GRM5: variants seen among roughly 807,000 people sequenced by gnomAD.
GRM5 encodes the protein glutamate metabotropic receptor 5.
GRM5 carries 19 observed loss-of-function variants against 83.1 expected under a neutral mutation model. The observed-to-expected ratio is 0.23, with a 90% CI of 0.16 to 0.34. GRM5 has a LOEUF of 0.34. Ranked by LOEUF, GRM5 falls within the 10% of genes least tolerant of loss-of-function variation. The pLI, the probability that GRM5 is intolerant of heterozygous loss-of-function variation, is 1.00. For synonymous variants in GRM5, 675 were observed against 633.6 expected, an observed-to-expected ratio of 1.07 and a Z score of -0.98; for missense variants, 1,160 against 1,588.3, an observed-to-expected ratio of 0.73 and a Z score of 4.58.
intron 3 of GRM5, among the ~76,000 whole-genome samples, chr11:88,838,084 CAAAAA>C (rs1157680177): frequency 2.5e-4 from 14 of 55,452 alleles, no homozygotes; most frequent in Admixed American, 1.8e-3. Context: ...GACTCCATCT[CAAAAA>C]AAAAAAAAAA....
At chr11:88,618,323 A>T (rs2135252648) in intron 4 of GRM5, among the ~76,000 whole-genome samples, 1 of 152,322 alleles carries the variant, frequency 6.6e-6, no homozygotes, top group East Asian at 1.9e-4. Context: ...TGATGTAAAG[A>T]GCCCAGACAC....
chr11:88,869,610 C>T (rs1249425821), intron 2 of GRM5, among the ~76,000 whole-genome samples: 1 of 151,502 alleles, frequency 6.6e-6, no homozygotes, highest in Non-Finnish European at 1.5e-5. Flanking sequence ...CAACCCCCAA[C>T]CTCAGTTATT....
chr11:88,664,371 A>G (rs1273603337), intron 3 of GRM5, among the ~76,000 whole-genome samples: 1 of 152,102 alleles, frequency 6.6e-6, no homozygotes, highest in African/African-American at 2.4e-5. Context: ...CTGAACATGT[A>G]CAGACTTTTT....
At chr11:88,787,038 A>C (rs1015379946) in intron 3 of GRM5, among the ~76,000 whole-genome samples, 1 of 152,162 alleles carries the variant, frequency 6.6e-6, no homozygotes, top group Non-Finnish European at 1.5e-5. Flanking sequence ...ATACAAGTAA[A>C]TAAGTAAATA....
At chr11:88,952,214 G>T (rs1319941938) in intron 2 of GRM5, among the ~76,000 whole-genome samples, 2 of 152,044 alleles carry the variant, frequency 1.3e-5, no homozygotes, top group African/African-American at 4.8e-5. Context: ...CATTTCCTGG[G>T]ATACCCAGTC....
chr11:88,984,434 G>A (rs774097626), intron 2 of GRM5, among the ~76,000 whole-genome samples: 22 of 152,254 alleles, frequency 1.4e-4, no homozygotes, highest in African/African-American at 3.8e-4. Flanking sequence ...CAAGTGTAGC[G>A]TAGGCTATCC....
At chr11:88,694,169 C>G (rs1461898725) in intron 3 of GRM5, among the ~76,000 whole-genome samples, 7 of 152,188 alleles carry the variant, frequency 4.6e-5, no homozygotes, top group Non-Finnish European at 5.9e-5. Flanking sequence ...GCTGCATAAT[C>G]AGACACTTCC....
intron 2 of GRM5, among the ~76,000 whole-genome samples, chr11:89,000,009 G>A (rs1433254725): frequency 6.6e-6 from 1 of 152,072 alleles, no homozygotes; most frequent in African/African-American, 2.4e-5. Flanking sequence ...AACACTGCAT[G>A]TTCTCATTCA....
intron 3 of GRM5, among the ~76,000 whole-genome samples, chr11:88,731,878 T>A (rs557778049): frequency 6.6e-6 from 1 of 152,170 alleles, no homozygotes; most frequent in South Asian, 2.1e-4. Context: ...AATTTATTCC[T>A]TTTAGGCTAT....
chr11:88,788,620 T>A (rs10765772), intron 3 of GRM5, among the ~76,000 whole-genome samples: 105,138 of 152,008 alleles, frequency 0.69, 36,891 homozygotes, highest in Non-Finnish European at 0.75. Flanking sequence ...TGTAAGGATA[T>A]ATTACTAAAA....
chr11:88,995,853 G>A (rs1407963049), intron 2 of GRM5, among the ~76,000 whole-genome samples: 1 of 152,080 alleles, frequency 6.6e-6, no homozygotes, highest in Non-Finnish European at 1.5e-5. Context: ...TAAGAAGAAT[G>A]ATTACATATT....
chr11:88,849,583 C>G (rs1745722224), intron 3 of GRM5, among the ~76,000 whole-genome samples: 1 of 152,160 alleles, frequency 6.6e-6, no homozygotes, highest in Non-Finnish European at 1.5e-5. Context: ...TTAAAAGCAA[C>G]TATGAGTTTG....
intron 8 of GRM5, among the ~76,000 whole-genome samples, chr11:88,540,696 A>T (rs1942246002): frequency 6.6e-6 from 1 of 152,016 alleles, no homozygotes; most frequent in Non-Finnish European, 1.5e-5. Flanking sequence ...TTACCTTTCC[A>T]CTGCCTCTAT....
chr11:88,622,098 C>A (rs368648733), intron 4 of GRM5, among the ~76,000 whole-genome samples: 2 of 149,562 alleles, frequency 1.3e-5, no homozygotes, highest in South Asian at 4.3e-4. Context: ...ACACTATTTT[C>A]AACCATGGCA....
intron 9 of GRM5, among the ~76,000 whole-genome samples, chr11:88,511,040 C>T (rs1189124207): frequency 6.6e-6 from 1 of 152,196 alleles, no homozygotes; most frequent in Admixed American, 6.5e-5. Flanking sequence ...TCATCTAGGG[C>T]ATTTGTCAAA....
intron 2 of GRM5, among the ~76,000 whole-genome samples, chr11:88,970,053 C>T (rs776866186): frequency 1.6e-4 from 25 of 152,010 alleles, no homozygotes; most frequent in Admixed American, 5.2e-4. Context: ...GATTTTCTTC[C>T]GTATCTAACA....
intron 7 of GRM5, among the ~76,000 whole-genome samples, chr11:88,587,135 G>C (rs554274058): frequency 1.7e-3 from 265 of 152,276 alleles, no homozygotes; most frequent in Non-Finnish European, 3.3e-3. Flanking sequence ...TATGTATACA[G>C]ATCATTAAAA....
intron 3 of GRM5, among the ~76,000 whole-genome samples, chr11:88,755,918 T>G (rs932432074): frequency 1.3e-5 from 2 of 152,060 alleles, no homozygotes; most frequent in Non-Finnish European, 2.9e-5. Flanking sequence ...ACAGGTCCAG[T>G]GATGTTTTCC....
intron 7 of GRM5, among the ~76,000 whole-genome samples, chr11:88,582,853 G>A (rs1272735752): frequency 1.3e-5 from 2 of 151,974 alleles, no homozygotes; most frequent in African/African-American, 4.8e-5. Flanking sequence ...CTGAAAATAT[G>A]GGGCTCTAAA....
Sources: gnomAD v4.1 joint callset for allele counts (sites outside exome capture counted in the v4.1 genomes callset) on GRCh38, gnomAD v4.1.1 for gene constraint, MANE v1.5 for transcripts, NCBI Gene and HGNC (gene_info 2026-07-23, HGNC 2026-07-21) for gene names.